The following PKIB variants were observed in gnomAD, a reference collection of about 807,000 sequenced individuals.
The protein encoded by PKIB is PKI-beta.
Under a neutral mutation model 4.5 loss-of-function variants are expected in PKIB, and 2 were observed. That is an observed-to-expected ratio of 0.44 (90% CI 0.18 to 1.39). The LOEUF (loss-of-function observed/expected upper bound fraction) is 1.39, where lower values mean the gene tolerates loss of function less well. Ranked by LOEUF, PKIB falls within the 40% of genes most tolerant of loss-of-function variation. The pLI is 0.27. For synonymous variants in PKIB, 38 were observed against 36.0 expected, an observed-to-expected ratio of 1.06 and a Z score of -0.20; for missense variants, 94 against 92.6, an observed-to-expected ratio of 1.02 and a Z score of -0.06.
At chr6:122,537,905 G>T (rs1296870510) in intron 2 of PKIB, among the ~76,000 whole-genome samples, 1 of 151,848 alleles carries the variant, frequency 6.6e-6, no homozygotes, top group Admixed American at 6.6e-5. Context: ...TTATGGTTTT[G>T]ATTTGCATTT....
intron 3 of PKIB, among the ~76,000 whole-genome samples, chr6:122,714,950 A>AT (rs200174552): frequency 0.044 from 6,552 of 150,458 alleles, 280 homozygotes; most frequent in African/African-American, 0.11. Context: ...ATACCTGACT[A>AT]TTTTTTTTTA....
intron 1 of PKIB, among the ~76,000 whole-genome samples, chr6:122,472,742 A>G (rs532082104): frequency 1.3e-5 from 2 of 151,720 alleles, no homozygotes; most frequent in African/African-American, 4.9e-5. Flanking sequence ...GTAACCACTA[A>G]GGGACAATCT....
Position 122,649,538 on chromosome 6 carries a change from G to A in PKIB, c.-76+16171G>A, listed in dbSNP as rs536909205. Among the ~76,000 whole-genome samples the A allele has an allele frequency of 2.6e-5, 4 of 152,258 alleles. No individual in the cohort carries two copies. The East Asian group carries it at 7.7e-4, about 29-fold the overall frequency. ...GAGAGAAGATAAAGGCAGGAGTGGG[G>A]ACCATGGGATTTGGGCCACTTCCTT... On this transcript the variant is annotated intron_variant, in intron 2 of 4. Transcript: ENST00000368452.
Position 122,541,230 on chromosome 6 carries a change from G to T in PKIB, c.-247-44691G>T, listed in dbSNP as rs532698372. ...GTGAATTTGGTCCTGTCATTATGAT[G>T]TTAGCTGGTTATTTTGCTCATTAGT... On this transcript the variant is annotated intron_variant, in intron 2 of 6. Transcript: ENST00000392491. Among the ~76,000 whole-genome samples, 8 of 152,174 alleles carry T rather than the reference G, an allele frequency of 5.3e-5. No homozygotes were observed. In the South Asian group the frequency reaches 1.7e-3, roughly 32 times the overall value.
intron 2 of PKIB, among the ~76,000 whole-genome samples, chr6:122,537,486 C>T (rs111659995): frequency 3.9e-5 from 6 of 152,090 alleles, no homozygotes; most frequent in African/African-American, 1.4e-4. Context: ...CAGTTTCATC[C>T]ATGTCCCTAC....
In PKIB at chr6:122,659,328, C is replaced by T. The variant is rs74297115; in HGVS notation, c.-75-15750C>T. On this transcript the variant is annotated intron_variant, in intron 2 of 4. Coordinates refer to ENST00000368452, the MANE Select transcript of PKIB (RefSeq NM_181795.3). The stretch of plus-strand genomic sequence containing the variant: ...AGAAAGATATTTTCAAAATTGTTGA[C>T]ATCTGAAAGATTCATTCCTTACTGT... 3.1e-3 allele frequency among the ~76,000 whole-genome samples: 478 copies of T among 152,302 alleles called. 19 individuals are homozygous for T. In the East Asian group the frequency reaches 0.081, roughly 26 times the overall value.
chr6:122,543,296 C>T (rs1454542671), intron 2 of PKIB, among the ~76,000 whole-genome samples: 2 of 151,920 alleles, frequency 1.3e-5, no homozygotes, highest in Non-Finnish European at 2.9e-5. Context: ...CTGCATCGCT[C>T]ACGCTGGGAA....
At chr6:122,538,860 A>T (rs1023015688) in intron 2 of PKIB, among the ~76,000 whole-genome samples, 1 of 152,002 alleles carries the variant, frequency 6.6e-6, no homozygotes, top group African/African-American at 2.4e-5. Context: ...TTCATTGAGC[A>T]GTGTGGTTTG....
At position 122,630,752 on chromosome 6, in the gene PKIB, C is replaced by T. The variant is rs1232143734; in HGVS notation, c.-160-2531C>T. Among the ~76,000 whole-genome samples the T allele has an allele frequency of 3.9e-5, 6 of 152,226 alleles. No individual in the cohort carries two copies. In the South Asian group the frequency reaches 8.3e-4, roughly 21 times the overall value. On this transcript the variant is annotated intron_variant, in intron 1 of 4. Coordinates refer to ENST00000368452, the MANE Select transcript of PKIB (RefSeq NM_181795.3). ...TCAGCCTGATAAAATCGGTACTGCA[C>T]GGATATGCTATATCTGTTTCTTTTC...
chr6:122,473,855 G>A (rs1302303259), intron 1 of PKIB, among the ~76,000 whole-genome samples: 1 of 152,212 alleles, frequency 6.6e-6, no homozygotes, highest in Non-Finnish European at 1.5e-5. Flanking sequence ...CTATCTAGCT[G>A]AGCATGGTGG....
chr6:122,499,347 C>A (rs1776158465), intron 2 of PKIB, among the ~76,000 whole-genome samples: 1 of 152,110 alleles, frequency 6.6e-6, no homozygotes, highest in Non-Finnish European at 1.5e-5. Flanking sequence ...AGCACCACAT[C>A]AAAATTTATT....
intron 2 of PKIB, among the ~76,000 whole-genome samples, chr6:122,651,259 C>T (rs553390039): frequency 7.2e-5 from 11 of 152,288 alleles, no homozygotes; most frequent in Admixed American, 2.0e-4. Context: ...TATTCATTTA[C>T]GTATTCCCCA....
intron 4 of PKIB, among the ~76,000 whole-genome samples, chr6:122,721,520 C>A (rs9320891): frequency 0.045 from 6,843 of 151,998 alleles, 310 homozygotes; most frequent in African/African-American, 0.12. Flanking sequence ...ACATTTTTTT[C>A]TCTCATTTAT....
intron 3 of PKIB, among the ~76,000 whole-genome samples, chr6:122,603,800 G>A (rs1016609552): frequency 6.6e-6 from 1 of 152,092 alleles, no homozygotes; most frequent in African/African-American, 2.4e-5. Context: ...ATTTTTTACA[G>A]GTATTAGTAC....
intron 2 of PKIB, among the ~76,000 whole-genome samples, chr6:122,584,756 T>C (rs1773802855): frequency 6.6e-6 from 1 of 152,098 alleles, no homozygotes; most frequent in African/African-American, 2.4e-5. Flanking sequence ...TTTACTGTTA[T>C]CTCAAAATAT....
chr6:122,538,971 G>C (rs921659045), intron 2 of PKIB, among the ~76,000 whole-genome samples: 3 of 151,944 alleles, frequency 2.0e-5, no homozygotes, highest in Non-Finnish European at 2.9e-5. Flanking sequence ...CTCGTGATTT[G>C]GCTCTCTGTT....
At chr6:122,588,721 G>A (rs1176527337) in intron 3 of PKIB, among the ~76,000 whole-genome samples, 1 of 152,108 alleles carries the variant, frequency 6.6e-6, no homozygotes, top group East Asian at 1.9e-4. Context: ...AGGAAACATT[G>A]TAGACTCTTA....
intron 1 of PKIB, among the ~76,000 whole-genome samples, chr6:122,618,533 A>T (rs1775085373): frequency 6.6e-6 from 1 of 152,088 alleles, no homozygotes; most frequent in African/African-American, 2.4e-5. Flanking sequence ...AAGAAAAAAA[A>T]GGTCTATTTA....
chr6:122,611,166 C>T (rs1200745530), intron 1 of PKIB, among the ~76,000 whole-genome samples: 1 of 152,170 alleles, frequency 6.6e-6, no homozygotes, highest in Non-Finnish European at 1.5e-5. Flanking sequence ...GCCAGGTGGT[C>T]GCGGGCTGAG....
Sources: allele counts gnomAD v4.1 joint callset (sites outside exome capture counted in the v4.1 genomes callset), GRCh38; gene constraint gnomAD v4.1.1; transcripts MANE v1.5; gene names NCBI Gene and HGNC (gene_info 2026-07-23, HGNC 2026-07-21).